The following NLGN1 variants were observed in gnomAD, a reference collection of about 807,000 sequenced individuals.
NLGN1 encodes the protein neuroligin-1.
A neutral mutation model predicts 65.5 loss-of-function variants in NLGN1; 12 were observed. That is an observed-to-expected ratio of 0.18 (90% CI 0.12 to 0.30). NLGN1 has a LOEUF of 0.30. Ranked by LOEUF, NLGN1 falls within the 10% of genes least tolerant of loss-of-function variation. NLGN1 has a pLI of 1.00. For synonymous variants in NLGN1, 350 were observed against 359.5 expected, an observed-to-expected ratio of 0.97 and a Z score of 0.30; for missense variants, 750 against 1,007.1, an observed-to-expected ratio of 0.74 and a Z score of 3.46.
intron 4 of NLGN1, among the ~76,000 whole-genome samples, chr3:174,141,116 T>C (rs1280331200): frequency 6.6e-6 from 1 of 152,144 alleles, no homozygotes; most frequent in Non-Finnish European, 1.5e-5. Flanking sequence ...TGGTTTTCTT[T>C]AGTAATTAAG....
At chr3:173,723,740 A>C (rs1411424099) in intron 3 of NLGN1, among the ~76,000 whole-genome samples, 2 of 152,190 alleles carry the variant, frequency 1.3e-5, no homozygotes, top group Admixed American at 1.3e-4. Context: ...TTGAGAGAAG[A>C]AGTCATGATT....
At chr3:173,815,060 C>T in intron 4 of NLGN1, among the ~76,000 whole-genome samples, 1 of 149,096 alleles carries the variant, frequency 6.7e-6, no homozygotes, top group Non-Finnish European at 1.5e-5. Flanking sequence ...TTCTTTCTCT[C>T]CTTCCTTCTT....
intron 4 of NLGN1, among the ~76,000 whole-genome samples, chr3:174,174,140 T>C (rs1400628205): frequency 7.0e-6 from 1 of 142,052 alleles, no homozygotes; most frequent in Non-Finnish European, 1.5e-5. Context: ...TCCAGGTCAC[T>C]GTGAATGCCT....
intron 2 of NLGN1, among the ~76,000 whole-genome samples, chr3:173,593,180 GACTT>G (rs1266710126): frequency 6.6e-6 from 1 of 151,920 alleles, no homozygotes; most frequent in Non-Finnish European, 1.5e-5. Flanking sequence ...CTGTGTAATT[GACTT>G]ACTTAAAGTC....
chr3:174,063,679 TGA>T (rs967686564), intron 4 of NLGN1, among the ~76,000 whole-genome samples: 1 of 151,852 alleles, frequency 6.6e-6, no homozygotes, highest in African/African-American at 2.4e-5. Flanking sequence ...TATTTATGTG[TGA>T]GAGAGAGGGA....
intron 2 of NLGN1, among the ~76,000 whole-genome samples, chr3:173,539,833 A>T (rs1283929876): frequency 7.1e-6 from 1 of 141,078 alleles, no homozygotes; most frequent in African/African-American, 2.6e-5. Flanking sequence ...ATATATGTAT[A>T]TATGTTATAT....
intron 2 of NLGN1, among the ~76,000 whole-genome samples, chr3:173,501,187 G>A (rs757743592): frequency 1.3e-5 from 2 of 151,884 alleles, no homozygotes; most frequent in East Asian, 1.9e-4. Flanking sequence ...GGTTTGCTGC[G>A]CCTATCAACC....
intron 2 of NLGN1, among the ~76,000 whole-genome samples, chr3:173,540,213 C>G (rs1738614057): frequency 6.6e-6 from 1 of 152,136 alleles, no homozygotes; most frequent in Admixed American, 6.6e-5. Context: ...GAGGCTCCAA[C>G]CAGCATCCCT....
chr3:173,652,049 C>T (rs1371003367), intron 3 of NLGN1, among the ~76,000 whole-genome samples: 1 of 152,186 alleles, frequency 6.6e-6, no homozygotes, highest in African/African-American at 2.4e-5. Context: ...CTGCCTCAGC[C>T]TCCCAATGTG....
At chr3:173,776,015 A>G (rs1308162094) in intron 3 of NLGN1, among the ~76,000 whole-genome samples, 2 of 152,086 alleles carry the variant, frequency 1.3e-5, no homozygotes, top group East Asian at 1.9e-4. Context: ...TCTACTATCA[A>G]CATTAGCTTA....
intron 4 of NLGN1, among the ~76,000 whole-genome samples, chr3:173,813,040 A>C (rs1392203500): frequency 2.6e-5 from 4 of 151,644 alleles, no homozygotes; most frequent in Non-Finnish European, 5.9e-5. Context: ...GATATATAAA[A>C]GGAAAACAGA....
chr3:173,424,292 G>A (rs749554972), intron 1 of NLGN1, among the ~76,000 whole-genome samples: 38 of 152,252 alleles, frequency 2.5e-4, no homozygotes, highest in Admixed American at 1.4e-3. Context: ...GACATGCCCT[G>A]GGGACATTTT....
At chr3:174,141,603 G>T (rs761880803) in intron 4 of NLGN1, among the ~76,000 whole-genome samples, 2 of 152,268 alleles carry the variant, frequency 1.3e-5, no homozygotes, top group Middle Eastern at 3.4e-3. Flanking sequence ...AGCTATATTT[G>T]TAATAAATAT....
At chr3:173,877,022 A>G (rs1732250277) in intron 4 of NLGN1, among the ~76,000 whole-genome samples, 1 of 152,140 alleles carries the variant, frequency 6.6e-6, no homozygotes, top group Non-Finnish European at 1.5e-5. Context: ...TAAGAATAGG[A>G]TATTTGCCTA....
intron 4 of NLGN1, among the ~76,000 whole-genome samples, chr3:174,219,074 G>A (rs1738162532): frequency 6.6e-6 from 1 of 152,004 alleles, no homozygotes; most frequent in Non-Finnish European, 1.5e-5. Flanking sequence ...TGTATTTCAG[G>A]CAACTTGTCA....
intron 4 of NLGN1, among the ~76,000 whole-genome samples, chr3:173,958,722 T>G (rs1474610837): frequency 6.6e-6 from 1 of 152,158 alleles, no homozygotes; most frequent in African/African-American, 2.4e-5. Context: ...CACTAGGGAC[T>G]CTCCCCTTTC....
intron 3 of NLGN1, among the ~76,000 whole-genome samples, chr3:173,751,704 C>T (rs917874269): frequency 1.3e-5 from 2 of 151,990 alleles, no homozygotes; most frequent in African/African-American, 4.8e-5. Context: ...AGAATAACAG[C>T]ACAGCAAAAC....
intron 4 of NLGN1, among the ~76,000 whole-genome samples, chr3:174,116,559 A>G (rs1236379706): frequency 6.6e-6 from 1 of 151,876 alleles, no homozygotes; most frequent in African/African-American, 2.4e-5. Context: ...GCTAGTCTCA[A>G]ATTTCTGGCC....
intron 4 of NLGN1, among the ~76,000 whole-genome samples, chr3:173,829,342 G>C (rs73182611): frequency 0.079 from 12,025 of 152,166 alleles, 657 homozygotes; most frequent in Non-Finnish European, 0.12. Flanking sequence ...GGAGAGGTCA[G>C]GCTAGAGAGA....
Sources: gnomAD v4.1 joint callset for allele counts (sites outside exome capture counted in the v4.1 genomes callset) on GRCh38, gnomAD v4.1.1 for gene constraint, MANE v1.5 for transcripts, NCBI Gene and HGNC (gene_info 2026-07-23, HGNC 2026-07-21) for gene names.